GLB1: variants seen among roughly 807,000 people sequenced by gnomAD.
GLB1 encodes beta-galactosidase.
A neutral mutation model predicts 74.0 loss-of-function variants in GLB1; 56 were observed. The observed-to-expected ratio is 0.76, with a 90% CI of 0.61 to 0.94. The LOEUF (loss-of-function observed/expected upper bound fraction) is 0.94, where lower values mean the gene tolerates loss of function less well. GLB1 is among the 40% of genes least tolerant of loss of function. The pLI, the probability that GLB1 is intolerant of heterozygous loss-of-function variation, is 0.00. For missense variants in GLB1, 787 were observed against 845.5 expected (o/e 0.93, Z 0.86); for synonymous variants, 323 against 323.6 (o/e 1.00, Z 0.02).
chr3:33,016,901 C>G lies in GLB1; in HGVS notation c.1348-61G>C, dbSNP rs1697257565. The G allele has an allele frequency of 3.8e-6, 6 of 1,598,920 alleles. No individual in the cohort carries two copies. The East Asian group carries it at 1.1e-4, about 30-fold the overall frequency. ...GGGTAAGAAGGTCAGCAAGGAGAGG[C>G]AGCATGCTCAGTTAATTTAGCACTC... On this transcript the variant is annotated intron_variant, in intron 13 of 15. Transcript: ENST00000307363.
At chr3:33,032,723 CTAA>C (rs1698103731) in intron 10 of GLB1, among the ~76,000 whole-genome samples, 1 of 152,104 alleles carries the variant, frequency 6.6e-6, no homozygotes, top group Non-Finnish European at 1.5e-5. Context: ...GTGCCCAGCC[CTAA>C]ATGTTTTTCA....
In GLB1 at chr3:33,090,560, T is replaced by C. The variant is rs139306479; in HGVS notation, c.75+6451A>G. On this transcript the variant is annotated intron_variant, in intron 1 of 15. Coordinates refer to ENST00000307363, the MANE Select transcript of GLB1 (RefSeq NM_000404.4). ...ATTAAAAATAAAGAAACAAATGAAA[T>C]TGAAAGAATGATCAAGCTTCAAGTA... 4.8e-3 allele frequency: 4,753 copies of C among 985,314 alleles called. 13 individuals are homozygous for C. Among genetic ancestry groups the C allele is most frequent in the Middle Eastern group, 0.017 (33 of 1,914 alleles). 61.0% of individuals were successfully genotyped at this position (985,314 alleles called of 1,614,324 possible). A position where few individuals can be genotyped will look rare whatever the true frequency, so the allele number is the denominator to read the frequency against.
intron 12 of GLB1, among the ~76,000 whole-genome samples, chr3:33,019,314 G>A (rs900995479): frequency 2.0e-5 from 3 of 152,122 alleles, no homozygotes; most frequent in East Asian, 3.8e-4. Context: ...CAGCAGTAAC[G>A]GAATTATTCA....
At chr3:33,094,982 A>C (rs950921955) in intron 1 of GLB1, among the ~76,000 whole-genome samples, 17 of 152,194 alleles carry the variant, frequency 1.1e-4, no homozygotes, top group African/African-American at 4.1e-4. Flanking sequence ...AGGCCGAGGC[A>C]GGCAGATTAC....
chr3:32,968,189 G>T, the GLB1 span, among the ~76,000 whole-genome samples: 5 of 152,316 alleles, frequency 3.3e-5, no homozygotes, highest in South Asian at 8.3e-4. Context: ...GCTTTGCAAG[G>T]AGGCATGGAC....
intron 1 of GLB1, among the ~76,000 whole-genome samples, chr3:33,095,299 C>T (rs1459961367): frequency 2.0e-5 from 3 of 150,794 alleles, no homozygotes; most frequent in South Asian, 4.2e-4. Flanking sequence ...CGCTGGGTCA[C>T]GAGGTCAGGA....
At chr3:33,090,693 G>A in intron 1 of GLB1, 5 of 985,448 alleles carry the variant, frequency 5.1e-6, no homozygotes, top group Non-Finnish European at 6.0e-6. Flanking sequence ...ACCAGGGCCA[G>A]AATCTGGACA....
chr3:33,060,582 C>T (rs1699400398), intron 5 of GLB1, among the ~76,000 whole-genome samples: 1 of 152,146 alleles, frequency 6.6e-6, no homozygotes, highest in Non-Finnish European at 1.5e-5. Context: ...ACCCCCATGC[C>T]CAAACCCAAC....
chr3:33,081,891 C>G (rs1010850495), intron 1 of GLB1, among the ~76,000 whole-genome samples: 21 of 152,200 alleles, frequency 1.4e-4, no homozygotes, highest in African/African-American at 5.1e-4. Context: ...AGGCTGATGT[C>G]AACAACTGCA....
chr3:32,982,383 C>T, the GLB1 span, among the ~76,000 whole-genome samples: 2 of 149,898 alleles, frequency 1.3e-5, no homozygotes, highest in African/African-American at 2.4e-5. Context: ...TTCTTTTTCT[C>T]TCATTCCTTG....
At chr3:33,020,235 G>GAAT (rs1697411559) in intron 12 of GLB1, among the ~76,000 whole-genome samples, 1 of 152,160 alleles carries the variant, frequency 6.6e-6, no homozygotes. Context: ...AGAATTGTTG[G>GAAT]AATAAAATCA....
chr3:32,961,600 A>G, the GLB1 span, among the ~76,000 whole-genome samples: 1 of 152,250 alleles, frequency 6.6e-6, no homozygotes, highest in Non-Finnish European at 1.5e-5. Flanking sequence ...TAGCCTGGAA[A>G]ACTGCTGCCA....
rs79910159 is a variant in GLB1, at chr3:33,081,919, T to C, written c.76-9206A>G. Among the ~76,000 whole-genome samples the C allele has an allele frequency of 9.6e-3, 1,458 of 152,316 alleles. 9 individuals carry two copies. The highest frequency in any genetic ancestry group is 0.016 in the Non-Finnish European group (1,082 of 68,024). On this transcript the variant is annotated intron_variant, in intron 1 of 15. Transcript: ENST00000307363. ...CAACTGCATGGAAAATTGAGATTCC[T>C]TCATCCAATTCCCAGCTTTGAGCCA...
chr3:33,073,838 G>A (rs569549356), intron 1 of GLB1, among the ~76,000 whole-genome samples: 61 of 151,682 alleles, frequency 4.0e-4, no homozygotes, highest in African/African-American at 1.4e-3. Flanking sequence ...GCGAGGCCTC[G>A]TCTCTACAAA....
chr3:32,998,239 G>A (rs551377787), intron 15 of GLB1, among the ~76,000 whole-genome samples: 1 of 152,362 alleles, frequency 6.6e-6, no homozygotes, highest in Non-Finnish European at 1.5e-5. Context: ...TGAGTGCAGT[G>A]GCTCATGCCT....
At chr3:32,985,104 CAAAAAA>C in the GLB1 span, among the ~76,000 whole-genome samples, 2 of 61,970 alleles carry the variant, frequency 3.2e-5, no homozygotes, top group South Asian at 6.9e-4. Flanking sequence ...AACTCTGTCT[CAAAAAA>C]AAAAAAAAAA....
chr3:33,070,404 C>A (rs907487493), intron 2 of GLB1, among the ~76,000 whole-genome samples: 12 of 151,910 alleles, frequency 7.9e-5, no homozygotes, highest in South Asian at 4.2e-4. Context: ...ACACATAGAC[C>A]TTCCCGCTTG....
intron 9 of GLB1, among the ~76,000 whole-genome samples, chr3:33,049,601 A>G (rs548616624): frequency 6.6e-6 from 1 of 152,250 alleles, no homozygotes; most frequent in South Asian, 2.1e-4. Flanking sequence ...TATCTTTAGT[A>G]GAGACAAGGT....
chr3:33,006,650 T>A (rs1390548165), intron 15 of GLB1, among the ~76,000 whole-genome samples: 1 of 152,172 alleles, frequency 6.6e-6, no homozygotes, highest in Non-Finnish European at 1.5e-5. Flanking sequence ...TCTACTGAAG[T>A]CCCAGTTGAT....
Sources: allele counts gnomAD v4.1 joint callset (sites outside exome capture counted in the v4.1 genomes callset), GRCh38; gene constraint gnomAD v4.1.1; transcripts MANE v1.5; gene names NCBI Gene and HGNC (gene_info 2026-07-23, HGNC 2026-07-21).